FGFR2: variants seen among roughly 807,000 people sequenced by gnomAD.
FGFR2 encodes fibroblast growth factor receptor 2, also known as BEK fibroblast growth factor receptor.
FGFR2 carries 19 observed loss-of-function variants against 95.9 expected under a neutral mutation model. The ratio of observed to expected loss-of-function variants is 0.20; its 90% CI spans 0.14 to 0.29. The LOEUF is 0.29. FGFR2 is among the 10% of genes least tolerant of loss of function. The pLI is 1.00. For missense variants in FGFR2, 707 were observed against 1,056.9 expected (o/e 0.67, Z 4.59); for synonymous variants, 392 against 393.3 (o/e 1.00, Z 0.04).
At chr10:121,509,684 C>CGCTGGTCAG (rs1848805776) in intron 9 of FGFR2, among the ~76,000 whole-genome samples, 1 of 151,622 alleles carries the variant, frequency 6.6e-6, no homozygotes, top group Non-Finnish European at 1.5e-5. Context: ...GGTTTCATCA[C>CGCTGGTCAG]GCTGGTCAGG....
chr10:121,558,363 G>A lies in FGFR2; in HGVS notation c.454+6139C>T, dbSNP rs1196759310. ...CTTTCTGGAGAAAATGTGTTGCACCGAGGGGCATATGTAACAGCATTATTT... is the reference window on the plus strand; with the variant it reads ...CTTTCTGGAGAAAATGTGTTGCACCAAGGGGCATATGTAACAGCATTATTT... On this transcript the variant is annotated intron_variant, in intron 4 of 17. Coordinates refer to ENST00000358487, the MANE Select transcript of FGFR2 (RefSeq NM_000141.5). Among the ~76,000 whole-genome samples the A allele has an allele frequency of 4.6e-5, 7 of 152,312 alleles. No homozygotes were observed. In the South Asian group the frequency reaches 6.2e-4, roughly 14 times the overall value.
chr10:121,515,078 G>A (rs755750436), intron 9 of FGFR2, 39 bp downstream of exon 9: 1 of 1,595,536 alleles, frequency 6.3e-7, no homozygotes, highest in Middle Eastern at 1.8e-4. Context: ...CTGGGTCATG[G>A]GGGAGGAGTA....
At chr10:121,504,527 A>G (rs2134075294) in intron 9 of FGFR2, among the ~76,000 whole-genome samples, 1 of 152,296 alleles carries the variant, frequency 6.6e-6, no homozygotes, top group Non-Finnish European at 1.5e-5. Flanking sequence ...AGACCCCAGC[A>G]TTGGGGGCCA....
chr10:121,548,492 C>T (rs917435668), intron 5 of FGFR2, among the ~76,000 whole-genome samples: 1 of 151,990 alleles, frequency 6.6e-6, no homozygotes, highest in African/African-American at 2.4e-5. Context: ...ATAATTAACA[C>T]TGAACTGCAC....
chr10:121,553,807 TA>T (rs202062188), intron 4 of FGFR2, among the ~76,000 whole-genome samples: 6 of 151,232 alleles, frequency 4.0e-5, no homozygotes, highest in South Asian at 2.1e-4. Flanking sequence ...TTATGTTCCC[TA>T]AAAAAAAAGT....
chr10:121,483,944 T>C, intron 16 of FGFR2, 141 bp from the exon 17 acceptor site: 1 of 674,794 alleles, frequency 1.5e-6, no homozygotes, highest in South Asian at 1.7e-5. Context: ...TAGGGGGTCA[T>C]GAATCACTTT....
intron 2 of FGFR2, among the ~76,000 whole-genome samples, chr10:121,570,010 G>T (rs1403281874): frequency 6.6e-6 from 1 of 152,218 alleles, no homozygotes; most frequent in Non-Finnish European, 1.5e-5. Context: ...GGGATGGGGT[G>T]GGGCCATACG....
chr10:121,487,650 A>C lies in FGFR2; in HGVS notation c.1987-226T>G, dbSNP rs41294215. Reference sequence around the variant, plus strand: ...CTTGGATTCTATCCTTTATCTCCCTAGCACACAGATGCTCCTTGACCAGTT... The same window carrying C: ...CTTGGATTCTATCCTTTATCTCCCTCGCACACAGATGCTCCTTGACCAGTT... On this transcript the variant is annotated intron_variant, in intron 14 of 17. Transcript: ENST00000358487. Among the ~76,000 whole-genome samples the C allele has an allele frequency of 1.7e-3, 257 of 152,348 alleles. 2 individuals carry two copies. Among genetic ancestry groups the C allele is most frequent in the African/African-American group, 5.7e-3 (237 of 41,578 alleles).
At chr10:121,548,690 T>C (rs1854938277) in intron 5 of FGFR2, among the ~76,000 whole-genome samples, 1 of 152,156 alleles carries the variant, frequency 6.6e-6, no homozygotes, top group South Asian at 2.1e-4. Context: ...GCTGTCTTAA[T>C]TGACAAAATT....
chr10:121,520,661 C>T (rs1320731603), intron 6 of FGFR2, among the ~76,000 whole-genome samples: 4 of 151,912 alleles, frequency 2.6e-5, no homozygotes, highest in African/African-American at 9.7e-5. Flanking sequence ...TTTCTTTTCT[C>T]AGACGGGGTC....
intron 5 of FGFR2, among the ~76,000 whole-genome samples, chr10:121,540,486 A>C (rs1327769522): frequency 1.3e-5 from 2 of 152,128 alleles, no homozygotes; most frequent in Non-Finnish European, 2.9e-5. Flanking sequence ...GCGCAATGAG[A>C]ATTCCCTACC....
At chr10:121,509,264 T>C (rs942934223) in intron 9 of FGFR2, among the ~76,000 whole-genome samples, 5 of 152,112 alleles carry the variant, frequency 3.3e-5, no homozygotes, top group Admixed American at 2.6e-4. Flanking sequence ...CTCCCGAATC[T>C]TGGCAGGCAT....
chr10:121,506,566 C>T (rs978818655), intron 9 of FGFR2, among the ~76,000 whole-genome samples: 2 of 152,046 alleles, frequency 1.3e-5, no homozygotes, highest in Non-Finnish European at 2.9e-5. Flanking sequence ...TGCTTGGGAC[C>T]GCAGTCCTGG....
intron 6 of FGFR2, among the ~76,000 whole-genome samples, chr10:121,522,968 T>C (rs1340100829): frequency 2.0e-5 from 3 of 152,158 alleles, no homozygotes; most frequent in African/African-American, 7.2e-5. Context: ...ACAATAGATA[T>C]CTACATCATT....
At chr10:121,484,930 C>T (rs1329253776) in intron 16 of FGFR2, among the ~76,000 whole-genome samples, 1 of 152,236 alleles carries the variant, frequency 6.6e-6, no homozygotes, top group East Asian at 1.9e-4. Flanking sequence ...CGATTCTCTA[C>T]TGGCCACGAT....
Position 121,485,371 on chromosome 10 carries a change from G to T in FGFR2, c.2195+24C>A, listed in dbSNP as rs373117312. 6.2e-7 allele frequency: 1 copy of T among 1,613,966 alleles called. No homozygotes were observed. Among genetic ancestry groups the T allele is most frequent in the Non-Finnish European group, 8.5e-7 (1 of 1,179,974 alleles). ...GGTGTGGCAAGTCCACTGGGGCACC[G>T]GCAGGAAAGACAACAGCCCTTACAG... On this transcript the variant is annotated intron_variant, in intron 16 of 17. Transcript: ENST00000358487. This position sits in a 1 kb window ranked among gnomAD's most constrained non-coding sequence, Gnocchi z 4.2.
At chr10:121,596,789 T>G (rs1386128031) in intron 1 of FGFR2, 1 of 196,606 alleles carries the variant, frequency 5.1e-6, no homozygotes, top group East Asian at 7.9e-5. Context: ...TTTGTTTGCC[T>G]GAAATATCCT....
chr10:121,582,613 C>A (rs916927179), intron 2 of FGFR2, among the ~76,000 whole-genome samples: 2 of 151,942 alleles, frequency 1.3e-5, no homozygotes, highest in Non-Finnish European at 2.9e-5. Flanking sequence ...TGGTGAAACC[C>A]CAGCTCTACT....
intron 11 of FGFR2, among the ~76,000 whole-genome samples, chr10:121,500,598 T>G (rs184557979): frequency 6.6e-6 from 1 of 152,196 alleles, no homozygotes; most frequent in Admixed American, 6.5e-5. Context: ...TAACTCTATG[T>G]AGGAGGCTAC....
Sources: allele counts gnomAD v4.1 joint callset (sites outside exome capture counted in the v4.1 genomes callset), GRCh38; gene constraint gnomAD v4.1.1; non-coding constraint Gnocchi (gnomAD v3.1); transcripts MANE v1.5; gene names NCBI Gene and HGNC (gene_info 2026-07-23, HGNC 2026-07-21).